SFT2D2: variants seen among roughly 807,000 people sequenced by gnomAD.
The protein encoded by SFT2D2 is vesicle transport protein SFT2B.
Under a neutral mutation model 27.4 loss-of-function variants are expected in SFT2D2, and 21 were observed. The ratio of observed to expected loss-of-function variants is 0.77; its 90% CI spans 0.54 to 1.10. The LOEUF is 1.10. Among genes scored for constraint, SFT2D2 ranks in the 50% least tolerant of loss-of-function variants. The pLI is 0.00. For synonymous variants in SFT2D2, 72 were observed against 71.7 expected (o/e 1.00, Z -0.02); for missense variants, 187 against 194.2 (o/e 0.96, Z 0.22).
chr1:168,234,398 A>C lies in SFT2D2; in HGVS notation c.237-703A>C, dbSNP rs183841919. On this transcript the variant is annotated intron_variant, in intron 3 of 7. Coordinates refer to ENST00000271375, the MANE Select transcript of SFT2D2 (RefSeq NM_199344.3). ...ACAGAGTGAGACTCCATGTCAAAAAAAAAAAAACAAACAAAAAAAACCCAG... is the reference window on the plus strand; with the variant it reads ...ACAGAGTGAGACTCCATGTCAAAAACAAAAAAACAAACAAAAAAAACCCAG... 6.5e-3 allele frequency among the ~76,000 whole-genome samples: 978 copies of C among 151,614 alleles called. 12 individuals carry two copies. The highest frequency in any genetic ancestry group is 0.022 in the African/African-American group (923 of 41,196).
At chr1:168,239,959 C>T (rs140485877) in intron 7 of SFT2D2, among the ~76,000 whole-genome samples, 2,325 of 151,636 alleles carry the variant, frequency 0.015, 67 homozygotes, top group African/African-American at 0.052. Context: ...GTGGATCCTG[C>T]TGTCAGGAGA....
At chr1:168,226,201 C>T (rs920352568) in intron 1 of SFT2D2, 59 bp downstream of exon 1, 6 of 1,472,464 alleles carry the variant, frequency 4.1e-6, no homozygotes, top group Non-Finnish European at 5.5e-6. Context: ...GCGTCCCCTG[C>T]CCGGGCCTGG....
At chr1:168,236,029 G>A (rs1226242896) in intron 4 of SFT2D2, among the ~76,000 whole-genome samples, 1 of 152,200 alleles carries the variant, frequency 6.6e-6, no homozygotes, top group African/African-American at 2.4e-5. Flanking sequence ...GCGAAGAAAG[G>A]CATGGCTGAC....
rs1647980485 is a variant in SFT2D2, at chr1:168,252,958, C to G, written c.*10418C>G. ...ATGTTGCCAAGCTGTCTCTCCTCCC[C>G]CATCACAATTGTTAGTTTTTTTTGC... On this transcript the variant is annotated 3_prime_UTR_variant, in exon 8 of 8. Coordinates refer to ENST00000271375, the MANE Select transcript of SFT2D2 (RefSeq NM_199344.3). 1 of 152,146 alleles carries G rather than the reference C, an allele frequency of 6.6e-6. No homozygotes were observed. Among genetic ancestry groups the G allele is most frequent in the Admixed American group, 6.5e-5 (1 of 15,278 alleles). The allele number at this position is 152,146 out of a possible 1,614,324, so 9.4% of individuals were successfully genotyped here.
At chr1:168,236,532 G>GTTT in intron 4 of SFT2D2, 57 bp from the exon 5 acceptor site, 1 of 1,371,170 alleles carries the variant, frequency 7.3e-7, no homozygotes, top group Non-Finnish European at 9.9e-7. Context: ...CAAGTTTTGA[G>GTTT]TTTTTTTTTT....
intron 3 of SFT2D2, among the ~76,000 whole-genome samples, chr1:168,234,093 A>G (rs1202921513): frequency 1.3e-5 from 2 of 152,190 alleles, no homozygotes; most frequent in Non-Finnish European, 2.9e-5. Context: ...TCTCAAGTTC[A>G]TTCATACAGA....
chr1:168,233,290 C>T (rs1647378681), intron 3 of SFT2D2, among the ~76,000 whole-genome samples: 2 of 152,208 alleles, frequency 1.3e-5, no homozygotes, highest in Admixed American at 6.5e-5. Flanking sequence ...CAAAAGCTAC[C>T]TCTTCTATGA....
chr1:168,246,015 C>A lies in SFT2D2; in HGVS notation c.*3475C>A. 2 of 201,146 alleles carry A rather than the reference C, an allele frequency of 9.9e-6. No homozygotes were observed. The highest frequency in any genetic ancestry group is 1.6e-4 in the South Asian group (2 of 12,420). The allele number at this position is 201,146 out of a possible 1,614,324, so 12.5% of individuals were successfully genotyped here. A position where few individuals can be genotyped will look rare whatever the true frequency, so the allele number is the denominator to read the frequency against. The stretch of plus-strand genomic sequence containing the variant: ...CCTTGAATCCTACATCTCACTTTCT[C>A]AATGGACGCAGTGACGCAATGAAGC... On this transcript the variant is annotated 3_prime_UTR_variant, in exon 8 of 8. Transcript: ENST00000271375.
intron 3 of SFT2D2, among the ~76,000 whole-genome samples, chr1:168,233,016 T>A (rs187181570): frequency 1.3e-5 from 2 of 152,332 alleles, no homozygotes; most frequent in East Asian, 3.9e-4. Context: ...TTTATAGCCC[T>A]GCTTAGCCCC....
At chr1:168,236,556 T>C in intron 4 of SFT2D2, 33 bp from the exon 5 acceptor site, 2 of 1,600,806 alleles carry the variant, frequency 1.2e-6, no homozygotes, top group Non-Finnish European at 1.7e-6. Flanking sequence ...GCCATGTTAT[T>C]GTCATTAATT....
In SFT2D2 at chr1:168,246,469, A is replaced by T; in HGVS notation, c.*3929A>T. The T allele has an allele frequency of 7.4e-7, 1 of 1,356,708 alleles. No individual in the cohort carries two copies. The highest frequency in any genetic ancestry group is 2.6e-5 in the East Asian group (1 of 37,754). 84.0% of individuals were successfully genotyped at this position (1,356,708 alleles called of 1,614,324 possible). ...TAGCTCTCTTTGTATGTGTTCAAAA[A>T]CCAAAGCGTTTTCTTTCAGAGCCTC... On this transcript the variant is annotated 3_prime_UTR_variant, in exon 8 of 8. Coordinates refer to ENST00000271375, the MANE Select transcript of SFT2D2 (RefSeq NM_199344.3).
At chr1:168,231,950 C>T (rs1166427382) in intron 3 of SFT2D2, 31 bp downstream of exon 3, 1 of 1,585,256 alleles carries the variant, frequency 6.3e-7, no homozygotes, top group Non-Finnish European at 8.7e-7. Context: ...CAATTTTAGC[C>T]AATCATTAGA....
At chr1:168,239,569 A>G (rs963558591) in intron 7 of SFT2D2, among the ~76,000 whole-genome samples, 1 of 150,672 alleles carries the variant, frequency 6.6e-6, no homozygotes, top group African/African-American at 2.5e-5. Flanking sequence ...GGAAGGTTTC[A>G]CAAGAGTTTA....
chr1:168,230,823 C>T (rs1482829093), intron 1 of SFT2D2, among the ~76,000 whole-genome samples: 1 of 152,134 alleles, frequency 6.6e-6, no homozygotes, highest in Non-Finnish European at 1.5e-5. Flanking sequence ...TACTCACAGG[C>T]TCTCCTGTTT....
At chr1:168,234,333 G>A (rs968826174) in intron 3 of SFT2D2, among the ~76,000 whole-genome samples, 2 of 151,454 alleles carry the variant, frequency 1.3e-5, no homozygotes, top group African/African-American at 4.9e-5. Flanking sequence ...GGTGGAGGTT[G>A]CAATGAGCCG....
chr1:168,227,444 G>A (rs963460534), intron 1 of SFT2D2, among the ~76,000 whole-genome samples: 5 of 152,198 alleles, frequency 3.3e-5, no homozygotes, highest in Non-Finnish European at 7.3e-5. Flanking sequence ...GTGATACTGG[G>A]ACTTAGCATG....
rs1336113951 is a variant in SFT2D2 at position 168,247,933 on chromosome 1, G to A, written c.*5393G>A. On this transcript the variant is annotated 3_prime_UTR_variant, in exon 8 of 8. Transcript: ENST00000271375. ...TTGCATTTCCCTAATGACCAGTGAT[G>A]ATGAGCATTTTTTCATATGTTTGTT... The A allele has an allele frequency of 6.6e-6, 1 of 152,216 alleles. No homozygotes were observed. Among genetic ancestry groups the A allele is most frequent in the Non-Finnish European group, 1.5e-5 (1 of 68,048 alleles). The allele number at this position is 152,216 out of a possible 1,614,324, so 9.4% of individuals were successfully genotyped here.
At chr1:168,236,966 A>G (rs1452684755) in intron 6 of SFT2D2, among the ~76,000 whole-genome samples, 196 bp downstream of exon 6, 1 of 152,240 alleles carries the variant, frequency 6.6e-6, no homozygotes, top group Non-Finnish European at 1.5e-5. Flanking sequence ...AATAGATGGC[A>G]TTAGTGGTCT....
At position 168,236,543 on chromosome 1, in the gene SFT2D2, C is replaced by T. The variant is rs576648907; in HGVS notation, c.319-46C>T. On this transcript the variant is annotated intron_variant, in intron 4 of 7. Transcript: ENST00000271375. ...ATAACAAGTTTTGAGTTTTTTTTTT[C>T]CTGCCATGTTATTGTCATTAATTAA... 31 of 1,537,324 alleles carry T rather than the reference C, an allele frequency of 2.0e-5. No individual in the cohort carries two copies. In the African/African-American group the frequency reaches 2.8e-4, roughly 14 times the overall value.
Sources: gnomAD v4.1 joint callset for allele counts (sites outside exome capture counted in the v4.1 genomes callset) on GRCh38, gnomAD v4.1.1 for gene constraint, MANE v1.5 for transcripts, NCBI Gene and HGNC (gene_info 2026-07-23, HGNC 2026-07-21) for gene names.